Variants in COL23A1 observed in about 807,000 individuals in gnomAD.
The protein encoded by COL23A1 is collagen type XXIII alpha 1 chain.
A neutral mutation model predicts 99.3 loss-of-function variants in COL23A1; 97 were observed. The observed-to-expected ratio is 0.98, with a 90% confidence interval of 0.83 to 1.16. The LOEUF is 1.16. Among genes scored for constraint, COL23A1 ranks in the 50% most tolerant of loss-of-function variants. The probability of loss-of-function intolerance (pLI) is 0.00; values close to 1 mark genes in which losing one functional copy is unlikely to be tolerated. For synonymous variants in COL23A1, 320 were observed against 308.2 expected, an observed-to-expected ratio of 1.04 and a Z score of -0.40; for missense variants, 762 against 757.4, an observed-to-expected ratio of 1.01 and a Z score of -0.07.
chr5:178,455,101 C>A (rs947943667), intron 2 of COL23A1, among the ~76,000 whole-genome samples: 1 of 152,268 alleles, frequency 6.6e-6, no homozygotes, highest in African/African-American at 2.4e-5. Flanking sequence ...CCCCTCCAGT[C>A]TGACTTCATT....
At chr5:178,469,774 C>T (rs1443232581) in intron 2 of COL23A1, among the ~76,000 whole-genome samples, 1 of 152,108 alleles carries the variant, frequency 6.6e-6, no homozygotes, top group Non-Finnish European at 1.5e-5. Flanking sequence ...TAACCAGAAT[C>T]GGTCGTGGGG....
At chr5:178,508,550 C>T (rs601534) in intron 2 of COL23A1, among the ~76,000 whole-genome samples, 6 of 151,964 alleles carry the variant, frequency 3.9e-5, no homozygotes, top group Non-Finnish European at 8.8e-5. Flanking sequence ...GTTGCTGTCA[C>T]GTGGGGTGGA....
At chr5:178,521,570 A>T (rs1759948962) in intron 2 of COL23A1, among the ~76,000 whole-genome samples, 1 of 145,782 alleles carries the variant, frequency 6.9e-6, no homozygotes, top group Non-Finnish European at 1.5e-5. Context: ...AAAAAAAAAA[A>T]ACTATTTAAA....
chr5:178,361,519 C>T (rs1053235098), intron 2 of COL23A1, among the ~76,000 whole-genome samples: 1 of 152,020 alleles, frequency 6.6e-6, no homozygotes, highest in Non-Finnish European at 1.5e-5. Context: ...GCGGGCTCCA[C>T]CTCCCTCCTA....
At chr5:178,399,868 G>A (rs956012860) in intron 2 of COL23A1, among the ~76,000 whole-genome samples, 2 of 152,136 alleles carry the variant, frequency 1.3e-5, no homozygotes, top group Non-Finnish European at 2.9e-5. Context: ...TTAGAATAAC[G>A]ACGGCCGCAT....
chr5:178,368,882 A>C (rs1456070909), intron 2 of COL23A1, among the ~76,000 whole-genome samples: 1 of 152,272 alleles, frequency 6.6e-6, no homozygotes, highest in Non-Finnish European at 1.5e-5. Flanking sequence ...GCTCCAGGGC[A>C]GATATGCCCA....
intron 2 of COL23A1, among the ~76,000 whole-genome samples, chr5:178,336,608 G>A (rs1260142202): frequency 6.6e-6 from 1 of 152,202 alleles, no homozygotes; most frequent in Admixed American, 6.5e-5. Context: ...CAGGGGAGGA[G>A]TATCCTTTTG....
chr5:178,542,353 A>C (rs1353959686), intron 2 of COL23A1, among the ~76,000 whole-genome samples: 1 of 152,146 alleles, frequency 6.6e-6, no homozygotes, highest in Non-Finnish European at 1.5e-5. Context: ...ACATTTTAAT[A>C]AAAAGTTTGT....
At chr5:178,376,241 C>T (rs551040572) in intron 2 of COL23A1, among the ~76,000 whole-genome samples, 1 of 152,390 alleles carries the variant, frequency 6.6e-6, no homozygotes, top group East Asian at 1.9e-4. Flanking sequence ...GCTAAACGGG[C>T]ATGCCATCGG....
At chr5:178,276,696 T>A (rs17080993) in intron 5 of COL23A1, among the ~76,000 whole-genome samples, 1,767 of 152,302 alleles carry the variant, frequency 0.012, 35 homozygotes, top group African/African-American at 0.041. Flanking sequence ...AGCAAGACTG[T>A]CCGGGGCTTA....
intron 2 of COL23A1, among the ~76,000 whole-genome samples, chr5:178,360,223 T>G (rs1233077146): frequency 1.3e-5 from 2 of 152,172 alleles, no homozygotes; most frequent in Non-Finnish European, 2.9e-5. Flanking sequence ...AAATTCTTTA[T>G]CAGACCAAGT....
chr5:178,296,779 TGGGACAGTCCACCTCAA>T (rs1328069042), intron 3 of COL23A1, among the ~76,000 whole-genome samples: 1 of 152,050 alleles, frequency 6.6e-6, no homozygotes, highest in African/African-American at 2.4e-5. Flanking sequence ...TCGTTGCTCG[TGGGACAGTCCACCTCAA>T]GCTCATCTAC....
At chr5:178,488,018 A>G (rs1348585772) in intron 2 of COL23A1, among the ~76,000 whole-genome samples, 3 of 152,182 alleles carry the variant, frequency 2.0e-5, no homozygotes, top group Non-Finnish European at 4.4e-5. Flanking sequence ...ACTGCAGAAC[A>G]AGGATATGAA....
intron 2 of COL23A1, among the ~76,000 whole-genome samples, chr5:178,489,644 G>T (rs945688725): frequency 6.6e-6 from 1 of 152,200 alleles, no homozygotes; most frequent in Non-Finnish European, 1.5e-5. Flanking sequence ...TACCCAGAGA[G>T]GGGCTAGGAA....
chr5:178,265,770 A>G (rs1755854561), intron 8 of COL23A1: 2 of 937,640 alleles, frequency 2.1e-6, no homozygotes, highest in Non-Finnish European at 2.5e-6. Flanking sequence ...CAGGAAGGTG[A>G]TCTGAAGAAC....
intron 2 of COL23A1, among the ~76,000 whole-genome samples, chr5:178,401,138 A>G (rs1279118653): frequency 1.3e-5 from 2 of 152,234 alleles, no homozygotes; most frequent in African/African-American, 4.8e-5. Flanking sequence ...TTCACTTAGC[A>G]TAATGTCCTC....
chr5:178,475,910 T>C (rs895739173), intron 2 of COL23A1, among the ~76,000 whole-genome samples: 1 of 152,186 alleles, frequency 6.6e-6, no homozygotes, highest in African/African-American at 2.4e-5. Context: ...TTCTTCGAAT[T>C]CCTTGGACAT....
At chr5:178,441,746 G>T (rs1392251880) in intron 2 of COL23A1, among the ~76,000 whole-genome samples, 1 of 152,178 alleles carries the variant, frequency 6.6e-6, no homozygotes, top group South Asian at 2.1e-4. Context: ...GGGGTGGGCA[G>T]AATCAGCATT....
In COL23A1 at chr5:178,250,116, A is replaced by G. The variant is rs1436297295; in HGVS notation, c.1015-11T>C. On this transcript the variant is annotated splice_polypyrimidine_tract_variant and intron_variant, in intron 17 of 28. Transcript: ENST00000390654. ...CAATCCAAGCTCGCCCTGGAAGGGA[A>G]GAGATGGCAAGAGGGGTTATGCCTT... The G allele has an allele frequency of 1.9e-6, 3 of 1,613,812 alleles. No homozygotes were observed. Among genetic ancestry groups the G allele is most frequent in the Non-Finnish European group, 2.5e-6 (3 of 1,179,772 alleles).
Sources: gnomAD v4.1 joint callset for allele counts (sites outside exome capture counted in the v4.1 genomes callset) on GRCh38, gnomAD v4.1.1 for gene constraint, MANE v1.5 for transcripts, NCBI Gene and HGNC (gene_info 2026-07-23, HGNC 2026-07-21) for gene names.